Variants in NOX4 observed in about 807,000 individuals in gnomAD.
NOX4 encodes kidney oxidase-1.
In NOX4, 69 loss-of-function variants were observed where a neutral mutation model predicts 87.6. The ratio of observed to expected loss-of-function variants is 0.79; its 90% confidence interval spans 0.65 to 0.96. The LOEUF is 0.96. Ranked by LOEUF, NOX4 falls within the 40% of genes least tolerant of loss-of-function variation. The probability of loss-of-function intolerance (pLI) is 0.00; values close to 1 mark genes in which losing one functional copy is unlikely to be tolerated. For synonymous variants in NOX4, 275 were observed against 238.2 expected (o/e 1.15, Z -1.42); for missense variants, 680 against 681.5 (o/e 1.00, Z 0.02).
chr11:89,328,156 T>C (rs1338905187), intron 17 of NOX4, among the ~76,000 whole-genome samples: 2 of 151,978 alleles, frequency 1.3e-5, no homozygotes, highest in African/African-American at 4.8e-5. Context: ...GGAAGGGAGA[T>C]CCACAGAAAG....
chr11:89,557,353 T>G, the NOX4 span: 1 of 152,172 alleles, frequency 6.6e-6, no homozygotes, highest in East Asian at 1.9e-4. Flanking sequence ...TGACAACTAC[T>G]CCGGAAAAGG....
intron 12 of NOX4, among the ~76,000 whole-genome samples, chr11:89,364,505 T>A (rs1163257213): frequency 6.6e-6 from 1 of 152,082 alleles, no homozygotes; most frequent in Non-Finnish European, 1.5e-5. Context: ...TAAGGCCATG[T>A]CAAAGCAATA....
intron 2 of NOX4, among the ~76,000 whole-genome samples, chr11:89,472,909 A>G (rs1565334896): frequency 6.6e-6 from 1 of 152,210 alleles, no homozygotes; most frequent in South Asian, 2.1e-4. Context: ...GACCTCTACC[A>G]AGGCCACTTG....
the NOX4 span, among the ~76,000 whole-genome samples, chr11:89,571,106 T>C: frequency 6.6e-6 from 1 of 152,210 alleles, no homozygotes; most frequent in African/African-American, 2.4e-5. Context: ...AGTTTAGCCA[T>C]TCTGGCATAG....
At chr11:89,550,404 T>G in the NOX4 span, among the ~76,000 whole-genome samples, 10 of 152,270 alleles carry the variant, frequency 6.6e-5, no homozygotes, top group East Asian at 1.9e-3. Context: ...CAGGTTGGTC[T>G]TGAACTCCTG....
At chr11:89,543,070 AG>A in the NOX4 span, among the ~76,000 whole-genome samples, 3 of 152,170 alleles carry the variant, frequency 2.0e-5, no homozygotes, top group Admixed American at 6.5e-5. Flanking sequence ...ACTATAAATA[AG>A]ATAGGAAAGC....
chr11:89,324,902 A>G lies in NOX4; in HGVS notation c.*1854T>C, dbSNP rs1193064197. On this transcript the variant is annotated 3_prime_UTR_variant, in exon 18 of 18. Transcript: ENST00000263317. ...ATTTCAAGGAAAGGAAGAAATATCT[A>G]CAAGTAAATATCATTCAGTATGGGT... The G allele has an allele frequency of 6.6e-6, 1 of 152,094 alleles. No individual in the cohort carries two copies. Among genetic ancestry groups the G allele is most frequent in the African/African-American group, 2.4e-5 (1 of 41,422 alleles). The allele number at this position is 152,094 out of a possible 1,614,324, so 9.4% of individuals were successfully genotyped here. A position where few individuals can be genotyped will look rare whatever the true frequency, so the allele number is the denominator to read the frequency against.
chr11:89,418,645 C>T (rs923729134), intron 8 of NOX4, among the ~76,000 whole-genome samples: 18 of 151,680 alleles, frequency 1.2e-4, no homozygotes, highest in Non-Finnish European at 1.9e-4. Flanking sequence ...TCCATGGCCT[C>T]CAGAATCACA....
intron 2 of NOX4, among the ~76,000 whole-genome samples, chr11:89,457,821 A>T (rs780168720): frequency 5.9e-5 from 9 of 152,228 alleles, no homozygotes; most frequent in Non-Finnish European, 1.0e-4. Context: ...CCACAACAAT[A>T]ATAAAATACC....
At chr11:89,561,019 T>TATATATATATAC in the NOX4 span, among the ~76,000 whole-genome samples, 3 of 102,244 alleles carry the variant, frequency 2.9e-5, no homozygotes, top group African/African-American at 8.4e-5. Context: ...TATATATATA[T>TATATATATATAC]ACATACACAC....
intron 2 of NOX4, among the ~76,000 whole-genome samples, chr11:89,474,317 T>C (rs1378939156): frequency 1.3e-5 from 2 of 152,050 alleles, no homozygotes; most frequent in African/African-American, 4.8e-5. Context: ...ATCTTTTTTT[T>C]CTCTAAAAAC....
intron 8 of NOX4, among the ~76,000 whole-genome samples, chr11:89,420,989 C>G (rs539113600): frequency 6.6e-6 from 1 of 152,258 alleles, no homozygotes; most frequent in South Asian, 2.1e-4. Context: ...TACGAATGAG[C>G]CTTACCCAAT....
At chr11:89,494,619 C>T (rs1279794736), upstream of NOX4, among the ~76,000 whole-genome samples, 1 of 152,106 alleles carries the variant, frequency 6.6e-6, no homozygotes, top group African/African-American at 2.4e-5. Flanking sequence ...TCTTTCTTTC[C>T]GTGCCTTTCT....
intron 8 of NOX4, among the ~76,000 whole-genome samples, chr11:89,403,995 A>C (rs1317237996): frequency 6.6e-6 from 1 of 152,150 alleles, no homozygotes. Flanking sequence ...AGCATTCAGT[A>C]CATGTCAGGG....
At chr11:89,583,330 T>G in the NOX4 span, among the ~76,000 whole-genome samples, 2 of 152,282 alleles carry the variant, frequency 1.3e-5, no homozygotes, top group African/African-American at 4.8e-5. Flanking sequence ...TTCCAATGGT[T>G]ATTAACTAAC....
At chr11:89,377,108 G>C (rs1939904423) in intron 11 of NOX4, among the ~76,000 whole-genome samples, 1 of 152,018 alleles carries the variant, frequency 6.6e-6, no homozygotes, top group Admixed American at 6.6e-5. Context: ...AGATATTTGT[G>C]CTTTTTTTCT....
intron 2 of NOX4, among the ~76,000 whole-genome samples, chr11:89,466,028 CCTT>C (rs1018356513): frequency 4.4e-4 from 67 of 152,056 alleles, no homozygotes; most frequent in African/African-American, 1.6e-3. Context: ...TACCTCCTCT[CCTT>C]CTCTCACCAG....
intron 2 of NOX4, among the ~76,000 whole-genome samples, chr11:89,487,280 C>T (rs1413603991): frequency 6.6e-6 from 1 of 152,130 alleles, no homozygotes; most frequent in Non-Finnish European, 1.5e-5. Context: ...TTAAACAAAA[C>T]ATTTGTAAAA....
intron 8 of NOX4, 95 bp from the exon 9 acceptor site, chr11:89,402,637 G>T: frequency 1.0e-6 from 1 of 979,992 alleles, no homozygotes; most frequent in South Asian, 1.4e-5. Flanking sequence ...TTTTGTTTTT[G>T]TTTGCTAACT....
Sources: allele counts gnomAD v4.1 joint callset (sites outside exome capture counted in the v4.1 genomes callset), GRCh38; gene constraint gnomAD v4.1.1; transcripts MANE v1.5; gene names NCBI Gene and HGNC (gene_info 2026-07-23, HGNC 2026-07-21).